Variants in NCKAP5L observed in about 807,000 individuals in gnomAD.
The protein encoded by NCKAP5L is nck-associated protein 5-like.
Under a neutral mutation model 103.2 loss-of-function variants are expected in NCKAP5L, and 54 were observed. The ratio of observed to expected loss-of-function variants is 0.52; its 90% CI spans 0.42 to 0.66. NCKAP5L has a LOEUF of 0.66. Ranked by LOEUF, NCKAP5L falls within the 30% of genes least tolerant of loss-of-function variation. The pLI, the probability that NCKAP5L is intolerant of heterozygous loss-of-function variation, is 0.00. For synonymous variants in NCKAP5L, 762 were observed against 748.6 expected, an observed-to-expected ratio of 1.02 and a Z score of -0.29; for missense variants, 1,733 against 1,750.6, an observed-to-expected ratio of 0.99 and a Z score of 0.18.
chr12:49,802,994 A>C lies in NCKAP5L; in HGVS notation c.195T>G (p.Val65=). 1.2e-6 allele frequency: 2 copies of C among 1,614,228 alleles called. No individual in the cohort carries two copies. The stretch of plus-strand genomic sequence containing the variant: ...GCAACGCCTGTACCACATGGTTGGC[A>C]ACCTGGGGACAGAAAGCCCCGAGGC... The part of the protein sequence containing the change: ...RETYERCLDE[V]ANHVVQALLN... The change falls in exon 5 of 13, where the codon GTT becomes GTG. Residue 65 remains valine (V), a splice_region_variant and synonymous_variant. Transcript: ENST00000335999.
rs1945937028 is a variant in NCKAP5L at position 49,791,734 on chromosome 12, T to C, written c.*105A>G. On this transcript the variant is annotated 3_prime_UTR_variant, in exon 13 of 13. Coordinates refer to ENST00000335999, the MANE Select transcript of NCKAP5L (RefSeq NM_001037806.4). ...TCACCTTCTTATCCACCTGCCTCCT[T>C]GGTCCCTTCAGGGAGGGGTCCCCGT... 3 of 985,456 alleles carry C rather than the reference T, an allele frequency of 3.0e-6. No individual in the cohort carries two copies. The highest frequency in any genetic ancestry group is 4.4e-6 in the Non-Finnish European group (3 of 686,996). The allele number at this position is 985,456 out of a possible 1,614,324, so 61.0% of individuals were successfully genotyped here. A position where few individuals can be genotyped will look rare whatever the true frequency, so the allele number is the denominator to read the frequency against.
chr12:49,804,140 C>T, intron 2 of NCKAP5L, 60 bp from the exon 3 acceptor site: 2 of 1,513,612 alleles, frequency 1.3e-6, no homozygotes, highest in Non-Finnish European at 1.8e-6. Flanking sequence ...ACCCTTTAGT[C>T]TCCTTGGAGC....
At position 49,811,867 on chromosome 12, in the gene NCKAP5L, T is replaced by A. The variant is rs180878281; in HGVS notation, c.-98-5826A>T. ...TACTCTAGATACTTCAAAGCCAAACTTCTCAAAAAACAAAAAAGAAAATCC... is the reference window on the plus strand; with the variant it reads ...TACTCTAGATACTTCAAAGCCAAACATCTCAAAAAACAAAAAAGAAAATCC... On this transcript the variant is annotated intron_variant, in intron 1 of 12. Coordinates refer to ENST00000335999, the MANE Select transcript of NCKAP5L (RefSeq NM_001037806.4). 2.6e-5 allele frequency among the ~76,000 whole-genome samples: 4 copies of A among 152,316 alleles called. No homozygotes were observed. The East Asian group carries it at 7.7e-4, about 29-fold the overall frequency.
intron 1 of NCKAP5L, among the ~76,000 whole-genome samples, chr12:49,806,764 AGGCTAGAAACTTG>A (rs1274763499): frequency 6.6e-6 from 1 of 152,224 alleles, no homozygotes; most frequent in Non-Finnish European, 1.5e-5. Flanking sequence ...GGCTCCCTGG[AGGCTAGAAACTTG>A]GGCTAGAAAT....
intron 6 of NCKAP5L, among the ~76,000 whole-genome samples, chr12:49,801,621 T>C (rs990822556): frequency 3.3e-5 from 5 of 152,118 alleles, no homozygotes; most frequent in African/African-American, 1.2e-4. Context: ...CAGGAGCAAG[T>C]GCAAAGCTCT....
Position 49,797,371 on chromosome 12 carries a change from C to T in NCKAP5L, c.489G>A (p.Arg163=). 1 of 1,608,472 alleles carries T rather than the reference C, an allele frequency of 6.2e-7. No homozygotes were observed. Among genetic ancestry groups the T allele is most frequent in the South Asian group, 1.1e-5 (1 of 90,458 alleles). The stretch of plus-strand genomic sequence containing the variant: ...CGGCTGGGGGGCCTGGGCCTCCTGG[C>T]CTCAGCTGCTGCTCCCAACATACCT... ...QREVCWEQQL[R]PGGPGPPAAP... Residue 163 remains arginine, a synonymous_variant, in exon 8 of 13, where the codon AGG becomes AGA. Coordinates refer to ENST00000335999, the MANE Select transcript of NCKAP5L (RefSeq NM_001037806.4). The surrounding 1 kb of genome is among the most constrained non-coding windows in gnomAD (Gnocchi z 4.5).
chr12:49,823,156 A>C (rs1946379438), intron 1 of NCKAP5L, among the ~76,000 whole-genome samples: 1 of 152,116 alleles, frequency 6.6e-6, no homozygotes. Flanking sequence ...GAAGTTGGTC[A>C]GGGGCACTTC....
At chr12:49,801,817 C>T (rs763378832) in intron 6 of NCKAP5L, 31 bp downstream of exon 6, 20 of 1,611,738 alleles carry the variant, frequency 1.2e-5, no homozygotes, top group South Asian at 1.1e-4. Flanking sequence ...GGAGGCAGTG[C>T]GATGGGAGTG....
chr12:49,812,459 T>C (rs898323169), intron 1 of NCKAP5L, among the ~76,000 whole-genome samples: 1 of 151,888 alleles, frequency 6.6e-6, no homozygotes, highest in Non-Finnish European at 1.5e-5. Context: ...TCTTGGCTCA[T>C]TGTAACCTCC....
In NCKAP5L at chr12:49,804,034, G is replaced by A. The variant is rs1450238425; in HGVS notation, c.11C>T (p.Ala4Val). 9 of 1,610,638 alleles carry A rather than the reference G, an allele frequency of 5.6e-6. No homozygotes were observed. Among genetic ancestry groups the A allele is most frequent in the African/African-American group, 2.7e-5 (2 of 74,938 alleles). ...AGGACCCCCAGCTGGCTGGTCCATG[G>A]CCTCTGACATCTGGCCCTGGGAACA... MSE[A>V]MDQPAGGPGN... Residue 4 changes from alanine to valine, a missense_variant, in exon 3 of 13, where the codon GCC becomes GTC. Ala to Val is a moderately conservative substitution (Grantham distance 64). Transcript: ENST00000335999.
rs1427746812 is a variant in NCKAP5L at position 49,822,547 on chromosome 12, G to C, written c.-99+5775C>G. On this transcript the variant is annotated intron_variant, in intron 1 of 12. Transcript: ENST00000335999. ...GAGAACGCGATGGAGGTGGGAGTGA[G>C]ATTTTTTTTTTTTTTTTTTGAGACA... 6.7e-5 allele frequency among the ~76,000 whole-genome samples: 10 copies of C among 150,070 alleles called. No individual in the cohort carries two copies. The East Asian group carries it at 1.9e-3, about 29-fold the overall frequency.
In NCKAP5L at chr12:49,792,438, A is replaced by G. The variant is rs975289330; in HGVS notation, c.3792+8T>C. The G allele has an allele frequency of 3.1e-6, 5 of 1,613,130 alleles. No homozygotes were observed. Among genetic ancestry groups the G allele is most frequent in the South Asian group, 1.1e-5 (1 of 90,928 alleles). ...AGTCCTTTCCCTTTCCTCTGCTGCA[A>G]TTCTCACCATGGGGGTCCTGGGCAG... On this transcript the variant is annotated splice_region_variant and intron_variant, in intron 12 of 12. Coordinates refer to ENST00000335999, the MANE Select transcript of NCKAP5L (RefSeq NM_001037806.4). This position sits in a 1 kb window ranked among gnomAD's most constrained non-coding sequence, Gnocchi z 4.5.
rs146967247 is a variant in NCKAP5L at position 49,793,199 on chromosome 12, T to C, written c.3340+153A>G. On this transcript the variant is annotated intron_variant, in intron 10 of 12. Transcript: ENST00000335999. ...GAGTACCCTGAGGGCAGGGAAGGATTTGTTCCTGTGTAGCTCCAGTGCCCA... is the reference window on the plus strand; with the variant it reads ...GAGTACCCTGAGGGCAGGGAAGGATCTGTTCCTGTGTAGCTCCAGTGCCCA... 9.4e-3 allele frequency among the ~76,000 whole-genome samples: 1,438 copies of C among 152,180 alleles called. 11 individuals carry two copies. Among genetic ancestry groups the C allele is most frequent in the South Asian group, 0.029 (139 of 4,830 alleles).
chr12:49,796,511 G>T lies in NCKAP5L; in HGVS notation c.1349C>A (p.Pro450His). Reference protein sequence around the residue: ...SPGEAQGPLLPSPARGLKFLK... With the variant: ...SPGEAQGPLLHSPARGLKFLK... ...AAACTTGAGACCCCTAGCTGGAGAG[G>T]GCAGAAGGGGTCCCTGAGCTTCCCC... Residue 450 changes from proline to histidine, a missense_variant, in exon 8 of 13, where the codon CCC becomes CAC. Physicochemically the swap from Pro to His is moderately conservative, Grantham distance 77. Coordinates refer to ENST00000335999, the MANE Select transcript of NCKAP5L (RefSeq NM_001037806.4). 6.4e-7 allele frequency: 1 copy of T among 1,560,670 alleles called. No homozygotes were observed.
rs1156887983 is a variant in NCKAP5L at position 49,796,651 on chromosome 12, G to A, written c.1209C>T (p.Leu403=). The change falls in exon 8 of 13, where the codon CTC becomes CTT. Residue 403 remains leucine, a synonymous_variant. Coordinates refer to ENST00000335999, the MANE Select transcript of NCKAP5L (RefSeq NM_001037806.4). ...FGATSEGQGP[L]PFLSMFMGAG... The stretch of plus-strand genomic sequence containing the variant: ...CACCCATGAACATGCTAAGGAAGGG[G>A]AGGGGCCCCTGGCCCTCTGAGGTAG... 1 of 1,584,276 alleles carries A rather than the reference G, an allele frequency of 6.3e-7. No individual in the cohort carries two copies. The highest frequency in any genetic ancestry group is 1.1e-5 in the South Asian group (1 of 87,310).
At position 49,796,710 on chromosome 12, in the gene NCKAP5L, C is replaced by T. The variant is rs973318218; in HGVS notation, c.1150G>A (p.Gly384Ser). 5.0e-6 allele frequency: 8 copies of T among 1,603,282 alleles called. No homozygotes were observed. The highest frequency in any genetic ancestry group is 6.8e-6 in the Non-Finnish European group (8 of 1,174,922). The change falls in exon 8 of 13, where the codon GGT (glycine) becomes AGT (serine). Residue 384 changes from glycine to serine, a missense_variant. Gly to Ser is a moderately conservative substitution (Grantham distance 56). Transcript: ENST00000335999. The stretch of plus-strand genomic sequence containing the variant: ...CCTGGCCTGTGGGCCTCTGGGGTAC[C>T]CCCACCCCAAGCTGACTTGGGGAGG... ...KGLPKSAWGG[G>S]TPEAHRPGFG...
At chr12:49,822,891 T>A (rs1229530650) in intron 1 of NCKAP5L, among the ~76,000 whole-genome samples, 1 of 152,022 alleles carries the variant, frequency 6.6e-6, no homozygotes, top group Non-Finnish European at 1.5e-5. Context: ...AAAATAAAAC[T>A]GCAAAAAATA....
Position 49,795,257 on chromosome 12 carries a change from G to C in NCKAP5L, c.2603C>G (p.Thr868Ser). Residue 868 changes from threonine to serine, a missense_variant, in exon 8 of 13, where the codon ACT becomes AGT. Transcript: ENST00000335999. The stretch of plus-strand genomic sequence containing the variant: ...CCCCTCAGGGCCCTGACTTGGGTCA[G>C]TGGGGCCAGGTACTAGGGGTGTGGA... Reference protein sequence around the residue: ...AQSTPLVPGPTDPSQGPEGLA... With the variant: ...AQSTPLVPGPSDPSQGPEGLA... The C allele has an allele frequency of 1.3e-6, 2 of 1,544,046 alleles. No homozygotes were observed. The highest frequency in any genetic ancestry group is 1.7e-6 in the Non-Finnish European group (2 of 1,146,704).
chr12:49,792,914 C>G lies in NCKAP5L; in HGVS notation c.3413G>C (p.Gly1138Ala), dbSNP rs1565583977. ...TFPPPDHGSS[G>A]TPSKNLPKTK... is the part of the protein sequence containing the mutation. ...CTTAGGAAGATTCTTGCTGGGGGTC[C>G]CACTGCTACCATGGTCTGGGGGTGG... is the stretch of plus-strand genomic sequence containing the variant. Residue 1138 changes from glycine to alanine, a missense_variant, in exon 11 of 13, where the codon GGG becomes GCG. Physicochemically the swap from Gly to Ala is moderately conservative, Grantham distance 60. Coordinates refer to ENST00000335999, the MANE Select transcript of NCKAP5L (RefSeq NM_001037806.4). The surrounding 1 kb of genome is among the most constrained non-coding windows in gnomAD (Gnocchi z 4.5). The G allele has an allele frequency of 6.5e-7, 1 of 1,548,920 alleles. No individual in the cohort carries two copies. The highest frequency in any genetic ancestry group is 2.3e-5 in the East Asian group (1 of 44,340).
Sources: gnomAD v4.1 joint callset for allele counts (sites outside exome capture counted in the v4.1 genomes callset) on GRCh38, gnomAD v4.1.1 for gene constraint, Gnocchi (gnomAD v3.1) non-coding constraint, MANE v1.5 for transcripts, NCBI Gene and HGNC (gene_info 2026-07-23, HGNC 2026-07-21) for gene names.